Variants in SLC4A4 observed in about 807,000 individuals in gnomAD.
SLC4A4 encodes the protein solute carrier family 4 member 4.
Under a neutral mutation model 111.5 loss-of-function variants are expected in SLC4A4, and 27 were observed. That is an observed-to-expected ratio of 0.24 (90% CI 0.18 to 0.33). SLC4A4 has a LOEUF of 0.33. Ranked by LOEUF, SLC4A4 falls within the 10% of genes least tolerant of loss-of-function variation. The pLI is 1.00. For missense variants in SLC4A4, 909 were observed against 1,315.5 expected, an observed-to-expected ratio of 0.69 and a Z score of 4.78; for synonymous variants, 443 against 463.4, an observed-to-expected ratio of 0.96 and a Z score of 0.57.
intron 2 of SLC4A4, among the ~76,000 whole-genome samples, chr4:71,135,742 C>T (rs192266699): frequency 1.3e-5 from 2 of 152,270 alleles, no homozygotes; most frequent in East Asian, 3.9e-4. Flanking sequence ...CCCACCACCC[C>T]ACCCCTGACA....
At chr4:71,292,656 C>T (rs972871642) in intron 3 of SLC4A4, among the ~76,000 whole-genome samples, 1 of 151,784 alleles carries the variant, frequency 6.6e-6, no homozygotes, top group African/African-American at 2.4e-5. Context: ...ATGATATTCA[C>T]AACATTTCTT....
intron 6 of SLC4A4, among the ~76,000 whole-genome samples, chr4:71,388,639 GC>G (rs753007197): frequency 6.6e-6 from 1 of 152,012 alleles, no homozygotes. Flanking sequence ...TAACTCCTGG[GC>G]CCAAGCAGTC....
At position 71,389,087 on chromosome 4, in the gene SLC4A4, G is replaced by C. The variant is rs927148725; in HGVS notation, c.731-8490G>C. The stretch of plus-strand genomic sequence containing the variant: ...GAATGAACAGGGTCTAGGGAATTGA[G>C]GTTAAATAGATTATCAAAGGGACTG... On this transcript the variant is annotated intron_variant, in intron 6 of 25. Coordinates refer to ENST00000264485, the MANE Select transcript of SLC4A4 (RefSeq NM_001098484.3). 5.3e-5 allele frequency among the ~76,000 whole-genome samples: 8 copies of C among 152,266 alleles called. No individual in the cohort carries two copies. In the East Asian group the frequency reaches 1.2e-3, roughly 22 times the overall value.
At chr4:71,124,564 TC>T (rs150754445) in intron 2 of SLC4A4, among the ~76,000 whole-genome samples, 3,552 of 152,318 alleles carry the variant, frequency 0.023, 142 homozygotes, top group African/African-American at 0.08. Flanking sequence ...TTTCTCATTC[TC>T]ATTTCAATAC....
At chr4:71,567,619 G>A (rs920373160) in intron 25 of SLC4A4, among the ~76,000 whole-genome samples, 169 bp from the exon 26 acceptor site, 1 of 151,462 alleles carries the variant, frequency 6.6e-6, no homozygotes, top group African/African-American at 2.4e-5. Flanking sequence ...TGACTCTGCT[G>A]GTAACCTTCA....
chr4:71,199,497 CT>C (rs1162753227), intron 1 of SLC4A4, among the ~76,000 whole-genome samples: 1 of 152,082 alleles, frequency 6.6e-6, no homozygotes, highest in African/African-American at 2.4e-5. Flanking sequence ...AAATCATCAT[CT>C]TGGATAGCTT....
intron 7 of SLC4A4, among the ~76,000 whole-genome samples, chr4:71,401,670 T>C (rs1720375954): frequency 6.6e-6 from 1 of 152,232 alleles, no homozygotes; most frequent in African/African-American, 2.4e-5. Flanking sequence ...GCTTCAGCTA[T>C]GAGGATAAGA....
intron 20 of SLC4A4, among the ~76,000 whole-genome samples, chr4:71,547,931 A>C (rs933616723): frequency 2.0e-5 from 3 of 151,866 alleles, no homozygotes; most frequent in African/African-American, 4.8e-5. Context: ...TTAGTTTTGC[A>C]GTTATTTGAT....
intron 1 of SLC4A4, among the ~76,000 whole-genome samples, chr4:71,214,064 A>G (rs1182065107): frequency 1.3e-5 from 2 of 152,102 alleles, no homozygotes; most frequent in Non-Finnish European, 2.9e-5. Context: ...TAGCATCCCA[A>G]TCATTTTTCT....
chr4:71,369,900 A>C (rs1731702397), intron 6 of SLC4A4, among the ~76,000 whole-genome samples: 1 of 152,224 alleles, frequency 6.6e-6, no homozygotes, highest in African/African-American at 2.4e-5. Flanking sequence ...ACAATTGTAT[A>C]AAATGATAAG....
At chr4:71,259,878 C>G (rs1223136064) in intron 3 of SLC4A4, among the ~76,000 whole-genome samples, 1 of 152,186 alleles carries the variant, frequency 6.6e-6, no homozygotes, top group African/African-American at 2.4e-5. Flanking sequence ...AAGCTACAAA[C>G]AGAACATCGT....
intron 2 of SLC4A4, among the ~76,000 whole-genome samples, chr4:71,239,748 AC>A (rs1473160859): frequency 9.2e-5 from 14 of 152,308 alleles, no homozygotes; most frequent in African/African-American, 3.1e-4. Flanking sequence ...TCAAAATGAA[AC>A]CAAGTGCCAA....
At chr4:71,547,990 A>T (rs1489873943) in intron 20 of SLC4A4, among the ~76,000 whole-genome samples, 2 of 151,936 alleles carry the variant, frequency 1.3e-5, no homozygotes, top group Non-Finnish European at 2.9e-5. Context: ...CTGTGAAAAT[A>T]GTAGTTTCAT....
chr4:71,265,066 A>G (rs1722138046), intron 3 of SLC4A4, among the ~76,000 whole-genome samples: 1 of 152,184 alleles, frequency 6.6e-6, no homozygotes, highest in Non-Finnish European at 1.5e-5. Flanking sequence ...TGTCTATGCT[A>G]TATTTTCCTT....
At position 71,272,983 on chromosome 4, in the gene SLC4A4, A is replaced by G. The variant is rs138142038; in HGVS notation, c.253+17584A>G. Among the ~76,000 whole-genome samples, 490 of 152,340 alleles carry G rather than the reference A, an allele frequency of 3.2e-3. 3 individuals are homozygous for G. Among genetic ancestry groups the G allele is most frequent in the African/African-American group, 0.011 (445 of 41,572 alleles). On this transcript the variant is annotated intron_variant, in intron 3 of 25. Transcript: ENST00000264485. ...ATTAAATACCAGAATAAATTATGTG[A>G]AAGATGTCACTCCAATTTTGTGATT...
intron 2 of SLC4A4, among the ~76,000 whole-genome samples, chr4:71,129,543 G>A (rs974669477): frequency 6.6e-6 from 1 of 152,058 alleles, no homozygotes; most frequent in African/African-American, 2.4e-5. Flanking sequence ...CAGCCATTGT[G>A]GAAAGCAGTT....
intron 16 of SLC4A4, among the ~76,000 whole-genome samples, chr4:71,515,885 A>G (rs771631297): frequency 4.6e-5 from 7 of 152,000 alleles, no homozygotes; most frequent in East Asian, 3.9e-4. Flanking sequence ...TATAAGTAGC[A>G]TATAGTTAGA....
Position 71,289,177 on chromosome 4 carries a change from CA to C in SLC4A4, c.253+33780del, listed in dbSNP as rs780634835. On this transcript the variant is annotated intron_variant, in intron 3 of 25. Transcript: ENST00000264485. ...ATTTGCCTTCCTTTCAGCAGGTGGA[CA>C]AGCTAACAAGGAAAACATAATAAAG... Among the ~76,000 whole-genome samples the C allele has an allele frequency of 2.0e-3, 298 of 151,982 alleles. 4 individuals carry two copies. The highest frequency in any genetic ancestry group is 3.1e-3 in the Non-Finnish European group (208 of 68,002).
At chr4:71,175,461 A>G (rs1392243031) in intron 2 of SLC4A4, among the ~76,000 whole-genome samples, 5 of 152,224 alleles carry the variant, frequency 3.3e-5, no homozygotes, top group Admixed American at 3.3e-4. Flanking sequence ...ACACCTGGAA[A>G]ATTGGGTGAC....
Sources: allele counts gnomAD v4.1 joint callset (sites outside exome capture counted in the v4.1 genomes callset), GRCh38; gene constraint gnomAD v4.1.1; transcripts MANE v1.5; gene names NCBI Gene and HGNC (gene_info 2026-07-23, HGNC 2026-07-21).